Variants in SV2C observed in about 807,000 individuals in gnomAD.
The protein encoded by SV2C is synaptic vesicle glycoprotein 2C, also known as solute carrier family 22 member B3.
SV2C carries 49 observed loss-of-function variants against 79.7 expected under a neutral mutation model. The ratio of observed to expected loss-of-function variants is 0.61; its 90% CI spans 0.49 to 0.78. SV2C has a LOEUF of 0.78. Among genes scored for constraint, SV2C ranks in the 30% least tolerant of loss-of-function variants. The pLI, the probability that SV2C is intolerant of heterozygous loss-of-function variation, is 0.00. For missense variants in SV2C, 833 were observed against 912.9 expected (o/e 0.91, Z 1.13); for synonymous variants, 334 against 333.2 (o/e 1.00, Z -0.03).
the SV2C span, among the ~76,000 whole-genome samples, chr5:75,951,096 A>T: frequency 1.3e-5 from 2 of 152,034 alleles, no homozygotes; most frequent in Non-Finnish European, 2.9e-5. Context: ...CTTGATAATT[A>T]TAAGCTGGGT....
chr5:76,233,896 A>C (rs1003833526), intron 4 of SV2C, among the ~76,000 whole-genome samples: 3 of 152,048 alleles, frequency 2.0e-5, no homozygotes, highest in African/African-American at 4.8e-5. Flanking sequence ...TTGGTCTAAA[A>C]TTCTCTTTTT....
At chr5:76,215,299 G>C (rs764060968) in intron 4 of SV2C, among the ~76,000 whole-genome samples, 2 of 152,116 alleles carry the variant, frequency 1.3e-5, no homozygotes, top group African/African-American at 4.8e-5. Flanking sequence ...AGAACTTGAT[G>C]GTATGTATTG....
chr5:76,088,722 G>C (rs1747280063), intron 1 of SV2C, among the ~76,000 whole-genome samples: 1 of 152,112 alleles, frequency 6.6e-6, no homozygotes, highest in African/African-American at 2.4e-5. Flanking sequence ...AAAAGTATTT[G>C]AGTGTCCTAT....
chr5:76,176,320 G>C (rs1743527891), intron 2 of SV2C, among the ~76,000 whole-genome samples: 1 of 152,212 alleles, frequency 6.6e-6, no homozygotes, highest in South Asian at 2.1e-4. Context: ...AAGAGCTGCG[G>C]TTTTGTTTCA....
At chr5:76,334,595 G>GGCA (rs1399499495), downstream of SV2C, among the ~76,000 whole-genome samples, 2 of 151,986 alleles carry the variant, frequency 1.3e-5, no homozygotes, top group Non-Finnish European at 2.9e-5. Context: ...TCCCCCTATG[G>GGCA]GCATGAGATG....
At position 76,332,183 on chromosome 5, in the gene SV2C, A is replaced by G. The variant is rs1406591482; in HGVS notation, c.*6636A>G. 1.3e-5 allele frequency: 2 copies of G among 152,194 alleles called. No individual in the cohort carries two copies. Among genetic ancestry groups the G allele is most frequent in the African/African-American group, 4.8e-5 (2 of 41,450 alleles). 9.4% of individuals were successfully genotyped at this position (152,194 alleles called of 1,614,324 possible). ...ACTTTATTGCATTCATGCTCCCCTT[A>G]GATCCAAGAGTGCCCAGGACTAGGA... On this transcript the variant is annotated 3_prime_UTR_variant, in exon 13 of 13. Transcript: ENST00000502798.
chr5:76,335,622 T>C (rs1749302110), downstream of SV2C, among the ~76,000 whole-genome samples: 1 of 151,988 alleles, frequency 6.6e-6, no homozygotes, highest in Non-Finnish European at 1.5e-5. Flanking sequence ...TGGTGATGAC[T>C]CTTAACGAGC....
the SV2C span, among the ~76,000 whole-genome samples, chr5:76,028,984 A>C: frequency 2.6e-5 from 4 of 152,346 alleles, no homozygotes; most frequent in Admixed American, 1.3e-4. Flanking sequence ...TAACCCCAGC[A>C]CTCAGGAGAA....
intron 12 of SV2C, among the ~76,000 whole-genome samples, chr5:76,324,160 A>G (rs1328535130): frequency 6.6e-6 from 1 of 152,112 alleles, no homozygotes; most frequent in African/African-American, 2.4e-5. Flanking sequence ...GGGTCTTGCT[A>G]TGTTGCCCAG....
At chr5:76,283,467 A>G (rs1747257255) in intron 4 of SV2C, among the ~76,000 whole-genome samples, 1 of 152,136 alleles carries the variant, frequency 6.6e-6, no homozygotes, top group African/African-American at 2.4e-5. Flanking sequence ...TAAAGCTTTT[A>G]TTTTTCTTTC....
At chr5:76,279,032 T>C (rs1028733793) in intron 4 of SV2C, among the ~76,000 whole-genome samples, 1 of 152,194 alleles carries the variant, frequency 6.6e-6, no homozygotes, top group Non-Finnish European at 1.5e-5. Context: ...TGGAACTTAC[T>C]GATGGATTGA....
At chr5:75,934,572 C>T in the SV2C span, among the ~76,000 whole-genome samples, 16 of 152,084 alleles carry the variant, frequency 1.1e-4, no homozygotes, top group South Asian at 6.2e-4. Context: ...AGGCTTTAGC[C>T]GTCGTGCCTG....
intron 4 of SV2C, among the ~76,000 whole-genome samples, chr5:76,219,245 G>A (rs945398383): frequency 6.6e-6 from 1 of 152,140 alleles, no homozygotes; most frequent in African/African-American, 2.4e-5. Flanking sequence ...AAGTGATTTG[G>A]TACATTGACT....
intron 2 of SV2C, 88 bp downstream of exon 2, chr5:76,132,418 C>A: frequency 7.7e-7 from 1 of 1,295,778 alleles, no homozygotes; most frequent in Non-Finnish European, 1.0e-6. Flanking sequence ...TACTTTTCAT[C>A]TAGAGTACTG....
At chr5:76,314,963 G>T (rs1053802451) in intron 12 of SV2C, among the ~76,000 whole-genome samples, 1 of 152,056 alleles carries the variant, frequency 6.6e-6, no homozygotes, top group Non-Finnish European at 1.5e-5. Flanking sequence ...AGACATAAAG[G>T]CTCCCGTTAT....
At chr5:76,337,471 G>A (rs1388115371), downstream of SV2C, among the ~76,000 whole-genome samples, 1 of 152,192 alleles carries the variant, frequency 6.6e-6, no homozygotes, top group African/African-American at 2.4e-5. Flanking sequence ...AATTTGGGAA[G>A]AAGACAATTC....
rs1454437009 is a variant in SV2C, at chr5:76,242,109, C to T, written c.913+32222C>T. On this transcript the variant is annotated intron_variant, in intron 4 of 12. Transcript: ENST00000502798. Reference sequence around the variant, plus strand: ...TCCTGCAGGGTTATTTCCCTCCTTGCCAGCATCAGCTTTTCCCTTTTTCCC... The same window carrying T: ...TCCTGCAGGGTTATTTCCCTCCTTGTCAGCATCAGCTTTTCCCTTTTTCCC... The T allele has an allele frequency of 9.0e-6, 13 of 1,450,098 alleles. No homozygotes were observed. In the Admixed American group the frequency reaches 1.5e-4, roughly 17 times the overall value. The allele number at this position is 1,450,098 out of a possible 1,614,324, so 89.8% of individuals were successfully genotyped here. A position where few individuals can be genotyped will look rare whatever the true frequency, so the allele number is the denominator to read the frequency against.
the SV2C span, among the ~76,000 whole-genome samples, chr5:75,907,946 C>T: frequency 1.2e-4 from 19 of 152,334 alleles, no homozygotes; most frequent in African/African-American, 3.8e-4. Flanking sequence ...GCCATCTCTT[C>T]ATAGGAGCAC....
chr5:75,853,718 G>A, the SV2C span, among the ~76,000 whole-genome samples: 97 of 148,110 alleles, frequency 6.5e-4, 1 homozygote, highest in African/African-American at 2.2e-3. Context: ...AGAGGCAATC[G>A]ATCAAGTAGC....
Sources: allele counts gnomAD v4.1 joint callset (sites outside exome capture counted in the v4.1 genomes callset), GRCh38; gene constraint gnomAD v4.1.1; transcripts MANE v1.5; gene names NCBI Gene and HGNC (gene_info 2026-07-23, HGNC 2026-07-21).